The following PCDH11X variants were observed in gnomAD, a reference collection of about 807,000 sequenced individuals.
PCDH11X encodes protocadherin-11 X-linked.
In PCDH11X, 18 loss-of-function variants were observed where a neutral mutation model predicts 53.3. The observed-to-expected ratio is 0.34, with a 90% CI of 0.23 to 0.50. The LOEUF is 0.50. Among genes scored for constraint, PCDH11X ranks in the 20% least tolerant of loss-of-function variants. PCDH11X has a pLI of 0.98. For synonymous variants in PCDH11X, 279 were observed against 393.3 expected, an observed-to-expected ratio of 0.71 and a Z score of 3.44; for missense variants, 570 against 1,032.4, an observed-to-expected ratio of 0.55 and a Z score of 6.14.
Position 92,142,306 on chromosome X carries a change from G to A in PCDH11X, c.3034-59069G>A, listed in dbSNP as rs759517481. On this transcript the variant is annotated intron_variant, in intron 6 of 10. Transcript: ENST00000682573. ...CTAGTAGCTGGGATTACAGGCATGC[G>A]CCACCATATCCAGCTAATTTTGTAT... 9.6e-4 allele frequency among the ~76,000 whole-genome samples: 105 copies of A among 109,543 alleles called. 1 individual carries two copies. The South Asian group carries it at 0.011, about 11-fold the overall frequency.
intron 6 of PCDH11X, among the ~76,000 whole-genome samples, chrX:91,978,036 T>C (rs2147921569): frequency 9.0e-6 from 1 of 111,716 alleles, no homozygotes; most frequent in East Asian, 2.8e-4. Flanking sequence ...CCTTTGTAAA[T>C]CTTATTCACT....
chrX:91,795,709 G>A (rs1238829196), intron 1 of PCDH11X, among the ~76,000 whole-genome samples: 2 of 111,024 alleles, frequency 1.8e-5, no homozygotes, highest in Non-Finnish European at 3.8e-5. Context: ...TAAATTTTAC[G>A]GAAATATCAC....
At chrX:92,394,272 A>C (rs1173729460) in intron 9 of PCDH11X, among the ~76,000 whole-genome samples, 1 of 111,188 alleles carries the variant, frequency 9.0e-6, no homozygotes, top group Non-Finnish European at 1.9e-5. Flanking sequence ...TAATATCTTA[A>C]ATATAATATG....
rs183628859 is a variant in PCDH11X, at chrX:92,408,991, A to T, written c.3343+21058A>T. On this transcript the variant is annotated intron_variant, in intron 9 of 10. Transcript: ENST00000682573. The stretch of plus-strand genomic sequence containing the variant: ...AATGTAATTGGCTAATTATATTTAG[A>T]ATGATACAATTTAAGCTGGGAAGTA... Among the ~76,000 whole-genome samples the T allele has an allele frequency of 7.8e-3, 817 of 104,277 alleles. 10 individuals carry two copies. Among genetic ancestry groups the T allele is most frequent in the African/African-American group, 0.03 (783 of 26,393 alleles). The allele number at this position is 104,277 out of a possible 115,157, so 90.6% of individuals were successfully genotyped here. A position where few individuals can be genotyped will look rare whatever the true frequency, so the allele number is the denominator to read the frequency against.
At chrX:92,061,426 T>A (rs1210961540) in intron 6 of PCDH11X, among the ~76,000 whole-genome samples, 1 of 109,801 alleles carries the variant, frequency 9.1e-6, no homozygotes, top group East Asian at 2.9e-4. Flanking sequence ...CAGAATTGTA[T>A]TGCCTCAATT....
chrX:92,112,806 A>G (rs1473832269), intron 6 of PCDH11X, among the ~76,000 whole-genome samples: 2 of 108,510 alleles, frequency 1.8e-5, no homozygotes, highest in Non-Finnish European at 3.8e-5. Context: ...TGATCATTTG[A>G]AGCTTCTTTG....
rs770324605 is a variant in PCDH11X, at chrX:92,483,228, A to G, written c.3367+14906A>G. Among the ~76,000 whole-genome samples, 4 of 111,369 alleles carry G rather than the reference A, an allele frequency of 3.6e-5. No homozygotes were observed. The Admixed American group carries it at 3.8e-4, about 11-fold the overall frequency. On this transcript the variant is annotated intron_variant, in intron 10 of 10. Transcript: ENST00000682573. Reference sequence around the variant, plus strand: ...GTTCTTTTACAAAAGTGATGCAATGAATTTATAAATTAACACAGAGACATT... The same window carrying G: ...GTTCTTTTACAAAAGTGATGCAATGGATTTATAAATTAACACAGAGACATT...
intron 6 of PCDH11X, among the ~76,000 whole-genome samples, chrX:92,103,291 G>A (rs1282216638): frequency 9.0e-6 from 1 of 110,982 alleles, no homozygotes; most frequent in Non-Finnish European, 1.9e-5. Flanking sequence ...TGGCACCAGA[G>A]TGGGGGGAGT....
intron 8 of PCDH11X, among the ~76,000 whole-genome samples, chrX:92,308,160 A>G (rs910216957): frequency 1.9e-5 from 2 of 108,017 alleles, no homozygotes; most frequent in Non-Finnish European, 3.8e-5. Flanking sequence ...CATCCTAAGA[A>G]TGATATGGAA....
chrX:92,613,009 G>A (rs2148817980), intron 10 of PCDH11X, among the ~76,000 whole-genome samples: 1 of 109,512 alleles, frequency 9.1e-6, no homozygotes, highest in African/African-American at 3.3e-5. Flanking sequence ...TTATGCATGT[G>A]TGTTGGGTCT....
intron 8 of PCDH11X, 63 bp downstream of exon 8, chrX:92,263,206 A>G: frequency 1.0e-6 from 1 of 975,297 alleles, no homozygotes; most frequent in Non-Finnish European, 1.4e-6. Flanking sequence ...GTGTGAAGCT[A>G]CAGTAGTTAG....
At chrX:92,041,052 T>C (rs2063202226) in intron 6 of PCDH11X, among the ~76,000 whole-genome samples, 1 of 109,779 alleles carries the variant, frequency 9.1e-6, no homozygotes, top group Non-Finnish European at 1.9e-5. Flanking sequence ...GAATGAGTAA[T>C]GATCAAGTCA....
chrX:92,203,106 A>C (rs2066419795), intron 7 of PCDH11X, among the ~76,000 whole-genome samples: 1 of 112,333 alleles, frequency 8.9e-6, no homozygotes, highest in Non-Finnish European at 1.9e-5. Context: ...TGTTGTTAAT[A>C]AAGTCCTAAA....
chrX:92,496,894 C>T (rs957243808), intron 10 of PCDH11X, among the ~76,000 whole-genome samples: 1 of 108,357 alleles, frequency 9.2e-6, no homozygotes, highest in South Asian at 3.9e-4. Context: ...GTCATTAGCT[C>T]TAATTTTGAA....
rs142134686 is a variant in PCDH11X, at chrX:91,921,646, A to AT, written c.3033+42383dup. Among the ~76,000 whole-genome samples, 711 of 94,025 alleles carry AT rather than the reference A, an allele frequency of 7.6e-3. 27 individuals are homozygous for AT. Among genetic ancestry groups the AT allele is most frequent in the African/African-American group, 0.027 (673 of 25,380 alleles). 81.6% of individuals were successfully genotyped at this position (94,025 alleles called of 115,157 possible). A position where few individuals can be genotyped will look rare whatever the true frequency, so the allele number is the denominator to read the frequency against. Reference sequence around the variant, plus strand: ...ATGCCTTTTCATGGCTTGATAGATCATTTTTTTTTTAGCAATGAATAATCA... The same window carrying AT: ...ATGCCTTTTCATGGCTTGATAGATCATTTTTTTTTTTAGCAATGAATAATCA... On this transcript the variant is annotated intron_variant, in intron 6 of 10. Coordinates refer to ENST00000682573, the MANE Select transcript of PCDH11X (RefSeq NM_032968.5).
chrX:92,278,087 C>T (rs1365353103), intron 8 of PCDH11X, among the ~76,000 whole-genome samples: 1 of 104,849 alleles, frequency 9.5e-6, no homozygotes, highest in Non-Finnish European at 2.1e-5. Flanking sequence ...TCTCCTTTGT[C>T]TCTACCAGAA....
chrX:91,827,089 A>G (rs950270181), intron 4 of PCDH11X, among the ~76,000 whole-genome samples: 55 of 111,601 alleles, frequency 4.9e-4, no homozygotes, highest in African/African-American at 1.7e-3. Flanking sequence ...AACATTGTAA[A>G]AGTATTCTCT....
chrX:91,836,140 C>T (rs1445904358), intron 5 of PCDH11X, 96 bp downstream of exon 5: 9 of 975,660 alleles, frequency 9.2e-6, no homozygotes, highest in African/African-American at 8.2e-5. Flanking sequence ...AGTAAGCCAT[C>T]ACCCCAATTT....
At chrX:92,053,276 ACT>A (rs932902700) in intron 6 of PCDH11X, among the ~76,000 whole-genome samples, 89 of 109,941 alleles carry the variant, frequency 8.1e-4, no homozygotes, top group African/African-American at 2.6e-3. Flanking sequence ...AGGGTCCCAA[ACT>A]GCATTAGTTC....
Sources: allele counts gnomAD v4.1 joint callset (sites outside exome capture counted in the v4.1 genomes callset), GRCh38; gene constraint gnomAD v4.1.1; transcripts MANE v1.5; gene names NCBI Gene and HGNC (gene_info 2026-07-23, HGNC 2026-07-21).